CIMIP6: variants seen among roughly 807,000 people sequenced by gnomAD.
The protein encoded by CIMIP6 is ciliary microtubule inner protein 6.
chr2:54,356,078 T>A, the CIMIP6 span, among the ~76,000 whole-genome samples: 590 of 151,354 alleles, frequency 3.9e-3, 3 homozygotes, highest in Middle Eastern at 0.017. Context: ...AGACCATTGT[T>A]AATTACTGTC....
chr2:54,354,062 A>G, the CIMIP6 span, among the ~76,000 whole-genome samples: 10 of 152,276 alleles, frequency 6.6e-5, no homozygotes, highest in South Asian at 2.1e-3. Flanking sequence ...TCCACTTTCC[A>G]GCATAGAGTG....
chr2:54,367,391 A>T, the CIMIP6 span, among the ~76,000 whole-genome samples: 1 of 152,086 alleles, frequency 6.6e-6, no homozygotes, highest in Non-Finnish European at 1.5e-5. Context: ...CTCCAAAAAA[A>T]ATTGGTAATT....
the CIMIP6 span, among the ~76,000 whole-genome samples, chr2:54,365,779 G>A: frequency 6.6e-6 from 1 of 152,128 alleles, no homozygotes; most frequent in Non-Finnish European, 1.5e-5. Flanking sequence ...AGGCACATTT[G>A]GGAGGGAAGC....
At chr2:54,359,659 G>C in the CIMIP6 span, among the ~76,000 whole-genome samples, 3 of 151,692 alleles carry the variant, frequency 2.0e-5, no homozygotes, top group Admixed American at 1.3e-4. Flanking sequence ...CAAATGTTTT[G>C]ATATGCTTAA....
chr2:54,355,048 A>G, the CIMIP6 span, among the ~76,000 whole-genome samples: 1 of 152,036 alleles, frequency 6.6e-6, no homozygotes, highest in Non-Finnish European at 1.5e-5. Flanking sequence ...AAATCATCTG[A>G]GGCCTTCCTT....
the CIMIP6 span, among the ~76,000 whole-genome samples, chr2:54,370,858 C>G: frequency 1.3e-5 from 2 of 152,186 alleles, no homozygotes; most frequent in African/African-American, 4.8e-5. Context: ...CAACTTTGGC[C>G]GTACCCAGGG....
the CIMIP6 span, chr2:54,359,184 A>C: frequency 5.9e-6 from 4 of 676,220 alleles, no homozygotes; most frequent in Non-Finnish European, 1.0e-5. Context: ...AAACTACTTC[A>C]GTTATTAATA....
the CIMIP6 span, among the ~76,000 whole-genome samples, chr2:54,352,486 T>C: frequency 1.3e-5 from 2 of 152,210 alleles, no homozygotes; most frequent in Admixed American, 1.3e-4. Flanking sequence ...TACAACATGA[T>C]GTTTTGAAAT....
the CIMIP6 span, among the ~76,000 whole-genome samples, chr2:54,346,516 T>C: frequency 6.6e-6 from 1 of 152,198 alleles, no homozygotes; most frequent in Non-Finnish European, 1.5e-5. Flanking sequence ...TGGAATAGAA[T>C]GTTTCATTTC....
chr2:54,346,102 C>A, the CIMIP6 span, among the ~76,000 whole-genome samples: 1 of 152,178 alleles, frequency 6.6e-6, no homozygotes, highest in South Asian at 2.1e-4. Context: ...CAACATTTGA[C>A]CCTTAAATGA....
the CIMIP6 span, among the ~76,000 whole-genome samples, chr2:54,362,114 C>T: frequency 6.6e-6 from 1 of 152,092 alleles, no homozygotes; most frequent in Non-Finnish European, 1.5e-5. Flanking sequence ...TCTTAGGACA[C>T]AAAACCAAAA....
At chr2:54,345,386 C>T in the CIMIP6 span, among the ~76,000 whole-genome samples, 1 of 152,112 alleles carries the variant, frequency 6.6e-6, no homozygotes, top group African/African-American at 2.4e-5. Flanking sequence ...CTAGATTTCC[C>T]CTCACCTCAA....
the CIMIP6 span, among the ~76,000 whole-genome samples, chr2:54,379,984 A>T: frequency 6.6e-6 from 1 of 151,820 alleles, no homozygotes; most frequent in Non-Finnish European, 1.5e-5. Flanking sequence ...TCTAAAAAAA[A>T]AAAAAAAAAT....
chr2:54,335,875 G>A, the CIMIP6 span, among the ~76,000 whole-genome samples: 3 of 151,888 alleles, frequency 2.0e-5, no homozygotes, highest in Admixed American at 6.6e-5. Flanking sequence ...GGTTTATGGC[G>A]CCTTTTTCTT....
chr2:54,358,913 A>G, the CIMIP6 span: 1 of 950,196 alleles, frequency 1.1e-6, no homozygotes, highest in Non-Finnish European at 1.6e-6. Flanking sequence ...TATGTCCATA[A>G]ACAAATCTAA....
chr2:54,364,185 C>CTA, the CIMIP6 span, among the ~76,000 whole-genome samples: 1 of 152,108 alleles, frequency 6.6e-6, no homozygotes, highest in Non-Finnish European at 1.5e-5. Flanking sequence ...ATTCCATAGT[C>CTA]TATTAAAGTC....
the CIMIP6 span, among the ~76,000 whole-genome samples, chr2:54,367,827 AAT>A: frequency 2.0e-5 from 3 of 152,198 alleles, no homozygotes; most frequent in Non-Finnish European, 1.5e-5. Flanking sequence ...AGATAGAGAA[AAT>A]ATGTTACTTT....
chr2:54,373,871 C>T, the CIMIP6 span, among the ~76,000 whole-genome samples: 3 of 152,196 alleles, frequency 2.0e-5, no homozygotes, highest in African/African-American at 7.2e-5. Context: ...TCCAGCAGGG[C>T]ATCATCCTTG....
At chr2:54,341,806 G>A in the CIMIP6 span, among the ~76,000 whole-genome samples, 2 of 152,120 alleles carry the variant, frequency 1.3e-5, no homozygotes, top group Admixed American at 1.3e-4. Context: ...ATAAATCCTA[G>A]ACCTTGGGGT....
Sources: allele counts gnomAD v4.1 joint callset (sites outside exome capture counted in the v4.1 genomes callset), GRCh38; gene constraint gnomAD v4.1.1; transcripts MANE v1.5; gene names NCBI Gene and HGNC (gene_info 2026-07-23, HGNC 2026-07-21).